LRFN5: variants seen among roughly 807,000 people sequenced by gnomAD.
The protein encoded by LRFN5 is leucine rich repeat and fibronectin type III domain containing 5.
Under a neutral mutation model 45.6 loss-of-function variants are expected in LRFN5, and 24 were observed. That is an observed-to-expected ratio of 0.53 (90% CI 0.38 to 0.74). The LOEUF (loss-of-function observed/expected upper bound fraction) is 0.74, where lower values mean the gene tolerates loss of function less well. Ranked by LOEUF, LRFN5 falls within the 30% of genes least tolerant of loss-of-function variation. The pLI, the probability that LRFN5 is intolerant of heterozygous loss-of-function variation, is 0.00. For missense variants in LRFN5, 776 were observed against 861.5 expected, an observed-to-expected ratio of 0.90 and a Z score of 1.24; for synonymous variants, 340 against 313.8, an observed-to-expected ratio of 1.08 and a Z score of -0.88.
chr14:41,714,942 A>C (rs866073554), intron 1 of LRFN5, among the ~76,000 whole-genome samples: 4 of 152,120 alleles, frequency 2.6e-5, no homozygotes, highest in Admixed American at 2.6e-4. Flanking sequence ...ACGACTTTTT[A>C]GAATGTTTCA....
chr14:41,845,389 A>G (rs1425443674), intron 2 of LRFN5, among the ~76,000 whole-genome samples: 1 of 152,178 alleles, frequency 6.6e-6, no homozygotes, highest in African/African-American at 2.4e-5. Flanking sequence ...CCATGTGTAT[A>G]TAATATACAC....
chr14:41,674,887 G>C (rs143599709), intron 1 of LRFN5, among the ~76,000 whole-genome samples: 1 of 151,650 alleles, frequency 6.6e-6, no homozygotes, highest in Non-Finnish European at 1.5e-5. Context: ...CTTCTCAGAC[G>C]GAACGGCCGG....
chr14:41,797,358 A>G lies in LRFN5; in HGVS notation c.-21+30329A>G, dbSNP rs1039794759. ...TTCCTAATGCCATTTGTTTGTGAAT[A>G]TATCACCTTCCTATTTTGTGATGAT... On this transcript the variant is annotated intron_variant, in intron 2 of 5. Transcript: ENST00000298119. Among the ~76,000 whole-genome samples, 22 of 151,736 alleles carry G rather than the reference A, an allele frequency of 1.4e-4. 1 individual carries two copies. The highest frequency in any genetic ancestry group is 3.0e-5 in the Non-Finnish European group (2 of 67,786).
intron 5 of LRFN5, 50 bp from the exon 6 acceptor site, chr14:41,904,108 T>TCTTTCTTC: frequency 6.8e-7 from 1 of 1,469,262 alleles, no homozygotes; most frequent in Admixed American, 1.8e-5. Context: ...GTGTTTTCTT[T>TCTTTCTTC]CTTTCTTCCT....
intron 1 of LRFN5, chr14:41,733,531 C>T (rs560179953): frequency 1.3e-5 from 2 of 152,074 alleles, no homozygotes; most frequent in Admixed American, 1.3e-4. Flanking sequence ...TACCAGTAGA[C>T]CTGCCTTAAA....
intron 1 of LRFN5, among the ~76,000 whole-genome samples, chr14:41,640,959 A>T (rs1217376948): frequency 6.6e-6 from 1 of 152,100 alleles, no homozygotes; most frequent in Non-Finnish European, 1.5e-5. Flanking sequence ...TAACAACTAT[A>T]TGTGAATCCC....
chr14:41,778,872 GTA>G (rs1886384635), intron 2 of LRFN5, among the ~76,000 whole-genome samples: 3 of 151,750 alleles, frequency 2.0e-5, no homozygotes, highest in Non-Finnish European at 4.4e-5. Flanking sequence ...TGTTAAGTTT[GTA>G]CTCACTTACT....
At chr14:41,663,722 G>A (rs1880765628) in intron 1 of LRFN5, among the ~76,000 whole-genome samples, 1 of 151,932 alleles carries the variant, frequency 6.6e-6, no homozygotes, top group South Asian at 2.1e-4. Context: ...TGATTTGGCA[G>A]TGATTTATTC....
intron 2 of LRFN5, among the ~76,000 whole-genome samples, chr14:41,808,299 T>G (rs150255819): frequency 8.1e-6 from 1 of 122,748 alleles, no homozygotes; most frequent in African/African-American, 3.2e-5. Context: ...GTATACCCAA[T>G]TGTGGCCAGA....
rs191452366 is a variant in LRFN5, at chr14:41,614,777, C to T, written c.-197+6215C>T. Among the ~76,000 whole-genome samples the T allele has an allele frequency of 4.3e-4, 66 of 152,162 alleles. No homozygotes were observed. The East Asian group carries it at 8.5e-3, about 20-fold the overall frequency. ...TAATAATATGACTTATGCAATCAGA[C>T]GGTCTGGAGGTTTCAGTGATATAGT... On this transcript the variant is annotated intron_variant, in intron 1 of 5. Transcript: ENST00000298119.
intron 1 of LRFN5, among the ~76,000 whole-genome samples, chr14:41,698,805 T>A (rs977064376): frequency 3.3e-5 from 5 of 152,064 alleles, no homozygotes; most frequent in Admixed American, 3.3e-4. Flanking sequence ...GATTTTTCTG[T>A]CTATGGATTG....
chr14:41,755,653 G>T lies in LRFN5; in HGVS notation c.-196-11201G>T, dbSNP rs183974701. Among the ~76,000 whole-genome samples the T allele has an allele frequency of 2.3e-3, 356 of 152,266 alleles. 2 individuals are homozygous for T. The highest frequency in any genetic ancestry group is 8.2e-3 in the African/African-American group (342 of 41,542). ...CTCCATCCCTTTATTTTGAGCCTATGTGTGTCTCTGCACATGAGATGTGTT... is the reference window on the plus strand; with the variant it reads ...CTCCATCCCTTTATTTTGAGCCTATTTGTGTCTCTGCACATGAGATGTGTT... On this transcript the variant is annotated intron_variant, in intron 1 of 5. Coordinates refer to ENST00000298119, the MANE Select transcript of LRFN5 (RefSeq NM_152447.5).
chr14:41,766,491 A>C (rs1262079135), intron 1 of LRFN5, among the ~76,000 whole-genome samples: 1 of 152,192 alleles, frequency 6.6e-6, no homozygotes, highest in Non-Finnish European at 1.5e-5. Context: ...ATGACTCGTA[A>C]GTAGTAGGTG....
chr14:41,775,532 C>T (rs1030593881), intron 2 of LRFN5, among the ~76,000 whole-genome samples: 2 of 152,182 alleles, frequency 1.3e-5, no homozygotes, highest in African/African-American at 4.8e-5. Context: ...CAAGCTTTCA[C>T]ATACTGTTTA....
chr14:41,684,807 C>T (rs994725985), intron 1 of LRFN5, among the ~76,000 whole-genome samples: 5 of 152,132 alleles, frequency 3.3e-5, no homozygotes, highest in Admixed American at 2.6e-4. Context: ...AGTGAGATCA[C>T]AGTGAGTTAA....
chr14:41,889,648 G>T (rs4243699), intron 3 of LRFN5, among the ~76,000 whole-genome samples: 104,576 of 151,954 alleles, frequency 0.69, 36,064 homozygotes, highest in Middle Eastern at 0.79. Flanking sequence ...GGAAATTTCT[G>T]GAATCCCTGA....
intron 1 of LRFN5, among the ~76,000 whole-genome samples, chr14:41,765,275 G>A (rs1022298373): frequency 4.0e-5 from 6 of 151,464 alleles, no homozygotes; most frequent in Admixed American, 3.3e-4. Flanking sequence ...CCGGGAGGCG[G>A]AGGTTGCAGT....
chr14:41,780,812 T>C (rs962742277), intron 2 of LRFN5, among the ~76,000 whole-genome samples: 1 of 152,042 alleles, frequency 6.6e-6, no homozygotes, highest in Non-Finnish European at 1.5e-5. Flanking sequence ...CCACCTTCTC[T>C]CCTTATGTAT....
At chr14:41,638,248 A>T (rs1329292269) in intron 1 of LRFN5, among the ~76,000 whole-genome samples, 1 of 152,036 alleles carries the variant, frequency 6.6e-6, no homozygotes, top group Non-Finnish European at 1.5e-5. Context: ...TTCATGTCAC[A>T]CTAGATATAA....
Sources: allele counts gnomAD v4.1 joint callset (sites outside exome capture counted in the v4.1 genomes callset), GRCh38; gene constraint gnomAD v4.1.1; transcripts MANE v1.5; gene names NCBI Gene and HGNC (gene_info 2026-07-23, HGNC 2026-07-21).